PITPNC1: variants seen among roughly 807,000 people sequenced by gnomAD.
The protein encoded by PITPNC1 is phosphatidylinositol transfer protein cytoplasmic 1.
Under a neutral mutation model 44.7 loss-of-function variants are expected in PITPNC1, and 18 were observed. The observed-to-expected ratio is 0.40, with a 90% CI of 0.28 to 0.60. The LOEUF (loss-of-function observed/expected upper bound fraction) is 0.60, where lower values mean the gene tolerates loss of function less well. Ranked by LOEUF, PITPNC1 falls within the 20% of genes least tolerant of loss-of-function variation. The pLI, the probability that PITPNC1 is intolerant of heterozygous loss-of-function variation, is 0.39. For missense variants in PITPNC1, 290 were observed against 418.4 expected (o/e 0.69, Z 2.68); for synonymous variants, 141 against 149.6 (o/e 0.94, Z 0.42).
In PITPNC1 at chr17:67,390,015, T is replaced by G. The variant is rs2038113917; in HGVS notation, c.48+11813T>G. On this transcript the variant is annotated intron_variant, in intron 1 of 8. Coordinates refer to ENST00000581322, the MANE Select transcript of PITPNC1 (RefSeq NM_012417.4). The stretch of plus-strand genomic sequence containing the variant: ...TTTAGAAATAGAAGTGCTTACAGAT[T>G]TGTTTGAGCAGAATAGATACCCATG... 2.7e-5 allele frequency among the ~76,000 whole-genome samples: 4 copies of G among 150,246 alleles called. No individual in the cohort carries two copies. The Admixed American group carries it at 2.7e-4, about 10-fold the overall frequency.
At chr17:67,629,666 A>G (rs938128845) in intron 5 of PITPNC1, among the ~76,000 whole-genome samples, 1 of 152,056 alleles carries the variant, frequency 6.6e-6, no homozygotes, top group Non-Finnish European at 1.5e-5. Flanking sequence ...AGCGGGGGGG[A>G]CTGGCTCTCG....
chr17:67,687,229 C>T, intron 8 of PITPNC1: 1 of 991,096 alleles, frequency 1.0e-6, no homozygotes. Flanking sequence ...TTCACAAATG[C>T]ACATGTAAAC....
intron 5 of PITPNC1, among the ~76,000 whole-genome samples, chr17:67,628,514 G>A (rs761153141): frequency 1.3e-5 from 2 of 152,208 alleles, no homozygotes; most frequent in Admixed American, 6.5e-5. Context: ...GAATACCCAG[G>A]AAGGACAAAC....
At chr17:67,667,267 G>A (rs928041012) in intron 6 of PITPNC1, among the ~76,000 whole-genome samples, 1 of 151,992 alleles carries the variant, frequency 6.6e-6, no homozygotes, top group African/African-American at 2.4e-5. Flanking sequence ...GGTGACCCAC[G>A]CCTTTAATAC....
chr17:67,579,526 C>A (rs372183609), intron 5 of PITPNC1, among the ~76,000 whole-genome samples: 23 of 152,062 alleles, frequency 1.5e-4, no homozygotes, highest in African/African-American at 5.3e-4. Context: ...CCTGAAATCA[C>A]AGGCGCGTTG....
intron 2 of PITPNC1, among the ~76,000 whole-genome samples, chr17:67,539,826 A>C (rs1188572750): frequency 6.6e-6 from 1 of 152,132 alleles, no homozygotes; most frequent in African/African-American, 2.4e-5. Flanking sequence ...TGACAGAACG[A>C]GACGCCGTCT....
intron 1 of PITPNC1, among the ~76,000 whole-genome samples, chr17:67,391,700 C>T (rs1382161755): frequency 5.3e-5 from 8 of 152,032 alleles, no homozygotes; most frequent in Admixed American, 1.3e-4. Flanking sequence ...AGGCTGGTCT[C>T]GAACTCCTGA....
Position 67,377,495 on chromosome 17 carries a change from A to G in PITPNC1, c.-660A>G, listed in dbSNP as rs2037889279. ...CCGGGGCCCCAGCCGGGCAGAGCCG[A>G]GCGGCGGCGGCGGCGGCGGCTTCCC... On this transcript the variant is annotated 5_prime_UTR_variant, in exon 1 of 9. Coordinates refer to ENST00000581322, the MANE Select transcript of PITPNC1 (RefSeq NM_012417.4). 6.5e-6 allele frequency: 1 copy of G among 153,760 alleles called. No homozygotes were observed. The highest frequency in any genetic ancestry group is 2.4e-5 in the African/African-American group (1 of 41,360). 9.5% of individuals were successfully genotyped at this position (153,760 alleles called of 1,614,324 possible). A position where few individuals can be genotyped will look rare whatever the true frequency, so the allele number is the denominator to read the frequency against.
intron 1 of PITPNC1, among the ~76,000 whole-genome samples, chr17:67,495,423 T>TA (rs1190758270): frequency 3.3e-5 from 5 of 152,132 alleles, no homozygotes; most frequent in African/African-American, 1.2e-4. Flanking sequence ...TGTGCAGGTT[T>TA]GTTATACAGG....
At chr17:67,584,810 C>T (rs528137083) in intron 5 of PITPNC1, among the ~76,000 whole-genome samples, 1 of 152,286 alleles carries the variant, frequency 6.6e-6, no homozygotes, top group Admixed American at 6.5e-5. Flanking sequence ...GGGGATACAG[C>T]ATTAAGACAA....
At chr17:67,482,992 A>G (rs1010342183) in intron 1 of PITPNC1, among the ~76,000 whole-genome samples, 2 of 118,712 alleles carry the variant, frequency 1.7e-5, no homozygotes, top group African/African-American at 7.0e-5. Context: ...AGGCCTCTCT[A>G]TATTATGCCG....
intron 1 of PITPNC1, among the ~76,000 whole-genome samples, chr17:67,384,832 G>T (rs1359533438): frequency 1.3e-5 from 2 of 152,194 alleles, no homozygotes; most frequent in Non-Finnish European, 2.9e-5. Flanking sequence ...CAATACCTCT[G>T]AATATAAAGG....
At position 67,696,374 on chromosome 17, in the gene PITPNC1, A is replaced by G. The variant is rs908998927; in HGVS notation, c.*3486A>G. The G allele has an allele frequency of 1.3e-5, 2 of 152,200 alleles. No individual in the cohort carries two copies. The highest frequency in any genetic ancestry group is 2.9e-5 in the Non-Finnish European group (2 of 68,032). The allele number at this position is 152,200 out of a possible 1,614,324, so 9.4% of individuals were successfully genotyped here. A position where few individuals can be genotyped will look rare whatever the true frequency, so the allele number is the denominator to read the frequency against. On this transcript the variant is annotated 3_prime_UTR_variant, in exon 9 of 9. Transcript: ENST00000581322. Reference sequence around the variant, plus strand: ...TTTGGCATCTCTTCATGGCTCAGCGACAACAAAGTAATAGGTCATTGGCTG... The same window carrying G: ...TTTGGCATCTCTTCATGGCTCAGCGGCAACAAAGTAATAGGTCATTGGCTG...
In PITPNC1 at chr17:67,448,976, G is replaced by A. The variant is rs116004895; in HGVS notation, c.48+70774G>A. ...GAGACGGGGTTTTGCCATGTTGGCC[G>A]AACTGCTCTCGAACTCCTGACCTCA... is the stretch of plus-strand genomic sequence containing the variant. On this transcript the variant is annotated intron_variant, in intron 1 of 8. Coordinates refer to ENST00000581322, the MANE Select transcript of PITPNC1 (RefSeq NM_012417.4). 8.9e-3 allele frequency among the ~76,000 whole-genome samples: 1,350 copies of A among 152,100 alleles called. 23 individuals carry two copies. The highest frequency in any genetic ancestry group is 0.031 in the African/African-American group (1,297 of 41,470).
chr17:67,419,632 G>A (rs62084088), intron 1 of PITPNC1, among the ~76,000 whole-genome samples: 2 of 152,144 alleles, frequency 1.3e-5, no homozygotes, highest in African/African-American at 2.4e-5. Flanking sequence ...GAGGCCAGGC[G>A]CAGTGGCTCA....
At chr17:67,575,795 C>CTTCTTTCTTTCT (rs1191296746) in intron 4 of PITPNC1, among the ~76,000 whole-genome samples, 13 of 130,942 alleles carry the variant, frequency 9.9e-5, no homozygotes, top group African/African-American at 4.2e-4. Flanking sequence ...TCTTTCTTTC[C>CTTCTTTCTTTCT]TTCTTTCTTT....
chr17:67,673,027 T>C (rs1267296490), intron 7 of PITPNC1, among the ~76,000 whole-genome samples: 1 of 152,214 alleles, frequency 6.6e-6, no homozygotes, highest in Non-Finnish European at 1.5e-5. Context: ...GATGCTGTTC[T>C]TTTGATTTCC....
chr17:67,572,773 G>T (rs1267337197), intron 4 of PITPNC1, among the ~76,000 whole-genome samples: 1 of 145,002 alleles, frequency 6.9e-6, no homozygotes, highest in Non-Finnish European at 1.5e-5. Context: ...AAAAAGACCT[G>T]ACAGCAGGAA....
chr17:67,667,006 A>G (rs560168027), intron 6 of PITPNC1, among the ~76,000 whole-genome samples: 2 of 152,310 alleles, frequency 1.3e-5, no homozygotes, highest in South Asian at 4.2e-4. Context: ...GTCCCAGCCA[A>G]TTTGATTTTG....
Sources: allele counts gnomAD v4.1 joint callset (sites outside exome capture counted in the v4.1 genomes callset), GRCh38; gene constraint gnomAD v4.1.1; transcripts MANE v1.5; gene names NCBI Gene and HGNC (gene_info 2026-07-23, HGNC 2026-07-21).